ZNF862: variants seen among roughly 807,000 people sequenced by gnomAD.
The protein encoded by ZNF862 is zinc finger protein 862.
A neutral mutation model predicts 91.1 loss-of-function variants in ZNF862; 64 were observed. The ratio of observed to expected loss-of-function variants is 0.70; its 90% CI spans 0.57 to 0.87. The LOEUF (loss-of-function observed/expected upper bound fraction) is 0.87, where lower values mean the gene tolerates loss of function less well. Ranked by LOEUF, ZNF862 falls within the 40% of genes least tolerant of loss-of-function variation. The probability of loss-of-function intolerance (pLI) is 0.00; values close to 1 mark genes in which losing one functional copy is unlikely to be tolerated. For missense variants in ZNF862, 1,459 were observed against 1,528.0 expected (o/e 0.95, Z 0.75); for synonymous variants, 631 against 618.1 (o/e 1.02, Z -0.31).
chr7:149,863,832 A>AT (rs1244240632), intron 7 of ZNF862, among the ~76,000 whole-genome samples: 1 of 152,226 alleles, frequency 6.6e-6, no homozygotes, highest in African/African-American at 2.4e-5. Context: ...TAACCACTGG[A>AT]TACCAGTAGC....
intron 7 of ZNF862, 150 bp from the exon 8 acceptor site, chr7:149,863,959 G>A (rs1802615123): frequency 1.3e-6 from 1 of 776,242 alleles, no homozygotes; most frequent in Non-Finnish European, 2.0e-6. Context: ...GAACAGAGTA[G>A]CAACAGATGA....
Position 149,848,302 on chromosome 7 carries a change from G to T in ZNF862, c.809G>T (p.Gly270Val), listed in dbSNP as rs771142671. The T allele has an allele frequency of 1.9e-6, 3 of 1,608,448 alleles. No homozygotes were observed. The highest frequency in any genetic ancestry group is 1.7e-6 in the Non-Finnish European group (2 of 1,177,248). ...AGAGCTGAACTAGAGGACCCTGGGG[G>T]GGATGGAGCAATTCCTGCAATGTAT... is the stretch of plus-strand genomic sequence containing the variant. ...SSRAELEDPG[G>V]DGAIPAMYLD... Residue 270 changes from glycine (G) to valine (V), a missense_variant, in exon 4 of 8, where the codon GGG becomes GTG. Transcript: ENST00000223210.
intron 1 of ZNF862, chr7:149,841,047 T>C (rs1196800081): frequency 2.0e-6 from 2 of 985,316 alleles, no homozygotes; most frequent in African/African-American, 3.5e-5. Context: ...AGAAAGGTGC[T>C]CACCCTTCCC....
chr7:149,840,884 A>G (rs1238883506), intron 1 of ZNF862: 6 of 952,368 alleles, frequency 6.3e-6, no homozygotes, highest in Non-Finnish European at 7.5e-6. Context: ...CACATTTCCT[A>G]GAACTTATCC....
At chr7:149,853,476 G>C (rs1007212948) in intron 5 of ZNF862, among the ~76,000 whole-genome samples, 1 of 152,202 alleles carries the variant, frequency 6.6e-6, no homozygotes, top group South Asian at 2.1e-4. Context: ...AAGAGGTTTT[G>C]ATAAGATGTA....
chr7:149,850,342 A>G lies in ZNF862; in HGVS notation c.1117+4A>G. On this transcript the variant is annotated splice_donor_region_variant and intron_variant, in intron 5 of 7. Coordinates refer to ENST00000223210, the MANE Select transcript of ZNF862 (RefSeq NM_001099220.3). This position sits in a 1 kb window ranked among gnomAD's most constrained non-coding sequence, Gnocchi z 4.2. ...TACGAGCTGTTGGCATCCTTGGGTA[A>G]AGACGCACCGAGCCTCTTATTCACC... 1 of 1,607,118 alleles carries G rather than the reference A, an allele frequency of 6.2e-7. No individual in the cohort carries two copies. Among genetic ancestry groups the G allele is most frequent in the Non-Finnish European group, 8.5e-7 (1 of 1,175,736 alleles).
intron 2 of ZNF862, 162 bp downstream of exon 2, chr7:149,844,898 G>T: frequency 3.4e-6 from 2 of 581,510 alleles, no homozygotes; most frequent in South Asian, 4.1e-5. Context: ...TTAATTGCAT[G>T]CAAATTCACA....
rs761158995 is a variant in ZNF862, at chr7:149,861,939, A to G, written c.2779A>G (p.Thr927Ala). The change falls in exon 7 of 8, where the codon ACG becomes GCG. Residue 927 changes from threonine (T) to alanine (A), a missense_variant. Thr to Ala is a moderately conservative substitution (Grantham distance 58). Transcript: ENST00000223210. This position sits in a 1 kb window ranked among gnomAD's most constrained non-coding sequence, Gnocchi z 6.7. ...GGCGGATAGGGAGAGGACAGTCCTG[A>G]CGGGGATTGAGTACCTCCAGCAGAG... is the stretch of plus-strand genomic sequence containing the variant. ...FQADRERTVLTGIEYLQQRFD... is the reference protein window; with the variant it reads ...FQADRERTVLAGIEYLQQRFD... The G allele has an allele frequency of 1.2e-6, 2 of 1,613,712 alleles. No individual in the cohort carries two copies. Among genetic ancestry groups the G allele is most frequent in the Non-Finnish European group, 1.7e-6 (2 of 1,179,874 alleles).
chr7:149,845,307 C>G (rs956876662), intron 2 of ZNF862, among the ~76,000 whole-genome samples: 1 of 152,148 alleles, frequency 6.6e-6, no homozygotes, highest in Non-Finnish European at 1.5e-5. Context: ...ACTTTCTGTG[C>G]GAAGGACAGA....
chr7:149,838,618 C>G lies in ZNF862; in HGVS notation c.7C>G (p.Pro3Ala). 1 of 1,227,608 alleles carries G rather than the reference C, an allele frequency of 8.1e-7. No individual in the cohort carries two copies. The highest frequency in any genetic ancestry group is 1.0e-6 in the Non-Finnish European group (1 of 980,592). The allele number at this position is 1,227,608 out of a possible 1,614,324, so 76.0% of individuals were successfully genotyped here. MEPRESGKAPVTF... is the reference protein window; with the variant it reads MEARESGKAPVTF... ...GGCCTCCGAAAGCGGGGCCATGGAGCCCAGAGAGTCGGGGAAGGTAGGACT... is the reference window on the plus strand; with the variant it reads ...GGCCTCCGAAAGCGGGGCCATGGAGGCCAGAGAGTCGGGGAAGGTAGGACT... Residue 3 changes from proline to alanine, a missense_variant, in exon 1 of 8, where the codon CCC becomes GCC. By Grantham distance (27) the Pro-to-Ala change is conservative. Transcript: ENST00000223210.
chr7:149,845,486 G>A (rs913225069), intron 2 of ZNF862, among the ~76,000 whole-genome samples: 2 of 152,180 alleles, frequency 1.3e-5, no homozygotes, highest in East Asian at 3.9e-4. Context: ...CAGCTGGGGT[G>A]AGTCTTCCTG....
In ZNF862 at chr7:149,855,146, G is replaced by T. The variant is rs1006822488; in HGVS notation, c.1118-4276G>T. Among the ~76,000 whole-genome samples the T allele has an allele frequency of 2.6e-5, 4 of 152,174 alleles. No homozygotes were observed. The highest frequency in any genetic ancestry group is 4.8e-5 in the African/African-American group (2 of 41,428). On this transcript the variant is annotated intron_variant, in intron 5 of 7. Coordinates refer to ENST00000223210, the MANE Select transcript of ZNF862 (RefSeq NM_001099220.3). The surrounding 1 kb of genome is among the most constrained non-coding windows in gnomAD (Gnocchi z 4.1). ...TCAAATGGTTCAGAAAAATATTGTA[G>T]CTATACGTATAGACCCAGCAGGAGA...
chr7:149,843,557 C>T (rs1942600245), intron 1 of ZNF862, among the ~76,000 whole-genome samples: 1 of 152,012 alleles, frequency 6.6e-6, no homozygotes, highest in African/African-American at 2.4e-5. Context: ...TAGCAACCTG[C>T]CCCCCAAACC....
Position 149,848,372 on chromosome 7 carries a change from C to T in ZNF862, c.879C>T (p.Gly293=), listed in dbSNP as rs1388955266. 1 of 1,603,168 alleles carries T rather than the reference C, an allele frequency of 6.2e-7. No individual in the cohort carries two copies. The highest frequency in any genetic ancestry group is 8.5e-7 in the Non-Finnish European group (1 of 1,174,446). The change falls in exon 4 of 8, where the codon GGC becomes GGT. Residue 293 remains glycine, a synonymous_variant. Transcript: ENST00000223210. ...TGAGGCAAAAAGAAATCACTGATGG[C>T]ATCCACAGCTCCTCAGACATTAATA... ...SDLRQKEITD[G]IHSSSDINIL... is the part of the protein sequence containing the mutation.
At chr7:149,849,001 A>G (rs980324209) in intron 4 of ZNF862, among the ~76,000 whole-genome samples, 3 of 152,174 alleles carry the variant, frequency 2.0e-5, no homozygotes, top group Non-Finnish European at 4.4e-5. Flanking sequence ...GAATCTCACT[A>G]TATTGCCCAG....
In ZNF862 at chr7:149,850,323, C is replaced by A. The variant is rs1802025057; in HGVS notation, c.1102C>A (p.Leu368Met). The change falls in exon 5 of 8, where the codon CTG (leucine) becomes ATG (methionine). Residue 368 changes from leucine (L) to methionine (M), a missense_variant. Transcript: ENST00000223210. The surrounding 1 kb of genome is among the most constrained non-coding windows in gnomAD (Gnocchi z 4.2). Reference sequence around the variant, plus strand: ...AGACGTGATGCGGATGAACTACGAGCTGTTGGCATCCTTGGGTAAAGACGC... The same window carrying A: ...AGACGTGATGCGGATGAACTACGAGATGTTGGCATCCTTGGGTAAAGACGC... ...YRDVMRMNYE[L>M]LASLGPAAAK... 1 of 1,611,782 alleles carries A rather than the reference C, an allele frequency of 6.2e-7. No individual in the cohort carries two copies. Among genetic ancestry groups the A allele is most frequent in the South Asian group, 1.1e-5 (1 of 90,952 alleles).
intron 7 of ZNF862, among the ~76,000 whole-genome samples, chr7:149,863,323 G>A (rs1435369978): frequency 1.4e-5 from 2 of 142,716 alleles, no homozygotes; most frequent in Non-Finnish European, 3.0e-5. Context: ...GCCTCCTTCC[G>A]GCTGTTGCTG....
intron 1 of ZNF862, among the ~76,000 whole-genome samples, 157 bp downstream of exon 1, chr7:149,838,792 C>A (rs893784325): frequency 6.6e-6 from 1 of 152,246 alleles, no homozygotes; most frequent in African/African-American, 2.4e-5. Flanking sequence ...CTTCGGCGCC[C>A]GACCCCGGGA....
At chr7:149,846,624 C>T (rs963106541) in intron 3 of ZNF862, among the ~76,000 whole-genome samples, 2 of 152,206 alleles carry the variant, frequency 1.3e-5, no homozygotes, top group Admixed American at 1.3e-4. Flanking sequence ...GAACAGCTGT[C>T]TGCTAAGTTC....
Sources: allele counts gnomAD v4.1 joint callset (sites outside exome capture counted in the v4.1 genomes callset), GRCh38; gene constraint gnomAD v4.1.1; non-coding constraint Gnocchi (gnomAD v3.1); transcripts MANE v1.5; gene names NCBI Gene and HGNC (gene_info 2026-07-23, HGNC 2026-07-21).